Variants in CCDC73 observed in about 807,000 individuals in gnomAD.
The protein encoded by CCDC73 is coiled-coil domain containing 73, also known as coiled-coil domain-containing protein 73.
Under a neutral mutation model 116.5 loss-of-function variants are expected in CCDC73, and 95 were observed. The observed-to-expected ratio is 0.82, with a 90% CI of 0.69 to 0.97. The LOEUF (loss-of-function observed/expected upper bound fraction) is 0.97. Ranked by LOEUF, CCDC73 falls within the 50% of genes least tolerant of loss-of-function variation. The probability of loss-of-function intolerance (pLI) is 0.00; values close to 1 mark genes in which losing one functional copy is unlikely to be tolerated. For synonymous variants in CCDC73, 398 were observed against 401.3 expected (o/e 0.99, Z 0.10); for missense variants, 1,066 against 1,206.8 (o/e 0.88, Z 1.73).
chr11:32,684,308 C>A (rs1023751492), intron 6 of CCDC73, among the ~76,000 whole-genome samples: 3 of 152,122 alleles, frequency 2.0e-5, no homozygotes, highest in Admixed American at 6.5e-5. Flanking sequence ...CAGCCTTGCC[C>A]TCTTATAGTG....
the CCDC73 span, among the ~76,000 whole-genome samples, chr11:32,810,797 C>T: frequency 6.6e-6 from 1 of 152,096 alleles, no homozygotes; most frequent in Non-Finnish European, 1.5e-5. Flanking sequence ...ACCCCAATTC[C>T]CTGTTAACTC....
chr11:32,749,748 C>T (rs776545410), intron 2 of CCDC73, among the ~76,000 whole-genome samples: 2 of 152,082 alleles, frequency 1.3e-5, no homozygotes, highest in African/African-American at 4.8e-5. Context: ...TAGGGGGCAC[C>T]ACAAGCCCAA....
the CCDC73 span, among the ~76,000 whole-genome samples, chr11:32,805,300 T>A: frequency 6.6e-6 from 1 of 152,234 alleles, no homozygotes; most frequent in Non-Finnish European, 1.5e-5. Context: ...TGAACTTTTA[T>A]TTGATGTTCA....
In CCDC73 at chr11:32,656,738, G is replaced by A. The variant is rs571655514; in HGVS notation, c.646-1766C>T. Among the ~76,000 whole-genome samples the A allele has an allele frequency of 3.9e-5, 6 of 152,220 alleles. No individual in the cohort carries two copies. In the South Asian group the frequency reaches 6.2e-4, roughly 16 times the overall value. ...TTGTTTGTAATCATTTTTCAAGTCC[G>A]AGATAACCAATGCCCTTCCAATAAA... On this transcript the variant is annotated intron_variant, in intron 9 of 17. Transcript: ENST00000335185.
At chr11:32,739,388 G>A (rs1850163703) in intron 2 of CCDC73, among the ~76,000 whole-genome samples, 1 of 151,892 alleles carries the variant, frequency 6.6e-6, no homozygotes, top group African/African-American at 2.4e-5. Flanking sequence ...ATGTTTTATA[G>A]TTTTCATTGT....
At chr11:32,792,170 CA>C (rs1365094063) in intron 1 of CCDC73, among the ~76,000 whole-genome samples, 2 of 151,866 alleles carry the variant, frequency 1.3e-5, no homozygotes, top group Admixed American at 6.6e-5. Flanking sequence ...AAGCACAGCA[CA>C]AAAAAATAGG....
intron 13 of CCDC73, among the ~76,000 whole-genome samples, chr11:32,636,310 T>C (rs1392730805): frequency 1.3e-5 from 2 of 152,164 alleles, no homozygotes; most frequent in Non-Finnish European, 2.9e-5. Context: ...AAAGTTTAAT[T>C]TTCTTGTTAC....
At chr11:32,786,568 G>C (rs1030504137) in intron 1 of CCDC73, among the ~76,000 whole-genome samples, 3 of 148,012 alleles carry the variant, frequency 2.0e-5, no homozygotes, top group African/African-American at 7.4e-5. Flanking sequence ...ATTATAAAAT[G>C]CTTAAAGCAT....
chr11:32,620,965 C>T (rs1163977732), intron 14 of CCDC73, among the ~76,000 whole-genome samples: 1 of 152,076 alleles, frequency 6.6e-6, no homozygotes, highest in Non-Finnish European at 1.5e-5. Flanking sequence ...ATACAGCTAA[C>T]AAGAGACGTG....
At chr11:32,755,785 A>G (rs1389777164) in intron 2 of CCDC73, among the ~76,000 whole-genome samples, 1 of 123,824 alleles carries the variant, frequency 8.1e-6, no homozygotes, top group Non-Finnish European at 1.6e-5. Flanking sequence ...GTATATATAT[A>G]TATCTCCATA....
intron 2 of CCDC73, among the ~76,000 whole-genome samples, chr11:32,734,104 C>A (rs990626460): frequency 6.6e-6 from 1 of 152,124 alleles, no homozygotes; most frequent in African/African-American, 2.4e-5. Flanking sequence ...CCACTGATCC[C>A]ACAGAAATAC....
rs1395994651 is a variant in CCDC73, at chr11:32,611,165, C to T, written c.2997G>A (p.Lys999=). 6.2e-7 allele frequency: 1 copy of T among 1,613,816 alleles called. No homozygotes were observed. Among genetic ancestry groups the T allele is most frequent in the East Asian group, 2.2e-5 (1 of 44,862 alleles). Residue 999 remains lysine (K), a synonymous_variant, in exon 17 of 18, where the codon AAG becomes AAA. Coordinates refer to ENST00000335185, the MANE Select transcript of CCDC73 (RefSeq NM_001008391.4). The part of the protein sequence containing the change: ...EPSEEKNAMA[K]TFYDSSFPTE... ...TGGGAAAAGAGGAATCATAAAAAGT[C>T]TTTGCCATTGCATTCTTCTCTTCAC...
intron 6 of CCDC73, among the ~76,000 whole-genome samples, chr11:32,690,230 A>G (rs983616889): frequency 6.6e-6 from 1 of 152,236 alleles, no homozygotes; most frequent in African/African-American, 2.4e-5. Flanking sequence ...TTATAAGAAA[A>G]GAAAACACAC....
intron 1 of CCDC73, among the ~76,000 whole-genome samples, chr11:32,781,932 G>C (rs1284237618): frequency 6.6e-6 from 1 of 152,134 alleles, no homozygotes; most frequent in Non-Finnish European, 1.5e-5. Flanking sequence ...GCGATGGCAC[G>C]AGAGCAAGTG....
chr11:32,607,983 A>G (rs1855377470), intron 17 of CCDC73, among the ~76,000 whole-genome samples: 1 of 151,464 alleles, frequency 6.6e-6, no homozygotes, highest in African/African-American at 2.4e-5. Context: ...CACTATCACA[A>G]GAATATTTCA....
the CCDC73 span, among the ~76,000 whole-genome samples, chr11:32,809,158 T>TCCAG: frequency 5.9e-5 from 9 of 152,196 alleles, no homozygotes; most frequent in Non-Finnish European, 1.0e-4. Flanking sequence ...ATCATAAGCA[T>TCCAG]CCAGGACAAT....
intron 2 of CCDC73, among the ~76,000 whole-genome samples, chr11:32,719,737 A>G (rs1018725796): frequency 4.6e-5 from 7 of 152,202 alleles, no homozygotes; most frequent in African/African-American, 1.7e-4. Context: ...GTACAAAAAC[A>G]TAACTATTAA....
intron 6 of CCDC73, among the ~76,000 whole-genome samples, chr11:32,698,931 T>A (rs948512886): frequency 2.4e-4 from 36 of 152,210 alleles, no homozygotes; most frequent in African/African-American, 8.2e-4. Context: ...GCTATTTTAA[T>A]TTTTAAGGAC....
chr11:32,790,262 A>G (rs1200474665), intron 1 of CCDC73, among the ~76,000 whole-genome samples: 2 of 152,218 alleles, frequency 1.3e-5, no homozygotes, highest in Non-Finnish European at 2.9e-5. Flanking sequence ...AAATCAGATC[A>G]AATTCCATCT....
Sources: gnomAD v4.1 joint callset for allele counts (sites outside exome capture counted in the v4.1 genomes callset) on GRCh38, gnomAD v4.1.1 for gene constraint, MANE v1.5 for transcripts, NCBI Gene and HGNC (gene_info 2026-07-23, HGNC 2026-07-21) for gene names.